Variants in ATP9B observed in about 807,000 individuals in gnomAD.
The protein encoded by ATP9B is ATPase phospholipid transporting 9B.
ATP9B carries 110 observed loss-of-function variants against 146.1 expected under a neutral mutation model. The ratio of observed to expected loss-of-function variants is 0.75; its 90% CI spans 0.65 to 0.88. ATP9B has a LOEUF of 0.88. Ranked by LOEUF, ATP9B falls within the 40% of genes least tolerant of loss-of-function variation. The pLI is 0.00. For synonymous variants in ATP9B, 604 were observed against 569.7 expected, an observed-to-expected ratio of 1.06 and a Z score of -0.86; for missense variants, 1,499 against 1,496.4, an observed-to-expected ratio of 1.00 and a Z score of -0.03.
At chr18:79,195,028 G>C (rs2095405928) in intron 9 of ATP9B, among the ~76,000 whole-genome samples, 1 of 152,144 alleles carries the variant, frequency 6.6e-6, no homozygotes, top group Non-Finnish European at 1.5e-5. Flanking sequence ...GGTGGCTCTA[G>C]GAGGCTTGGT....
intron 13 of ATP9B, among the ~76,000 whole-genome samples, chr18:79,292,312 G>A (rs1335236547): frequency 2.6e-5 from 4 of 152,148 alleles, no homozygotes; most frequent in Non-Finnish European, 5.9e-5. Flanking sequence ...GAAATCCTCA[G>A]GAGTCACCCA....
intron 11 of ATP9B, among the ~76,000 whole-genome samples, chr18:79,219,301 G>A (rs1360732991): frequency 6.6e-6 from 1 of 152,094 alleles, no homozygotes; most frequent in African/African-American, 2.4e-5. Flanking sequence ...GGAATTCTGA[G>A]CATATTTACC....
chr18:79,259,315 A>C (rs2096116398), intron 12 of ATP9B, among the ~76,000 whole-genome samples: 1 of 152,236 alleles, frequency 6.6e-6, no homozygotes. Flanking sequence ...AGGGACTTGC[A>C]GTTACTTCCC....
intron 9 of ATP9B, among the ~76,000 whole-genome samples, chr18:79,196,520 A>G (rs1419292183): frequency 6.6e-6 from 1 of 152,236 alleles, no homozygotes; most frequent in African/African-American, 2.4e-5. Flanking sequence ...TAAGGCAGTC[A>G]GAGACTATTG....
chr18:79,372,790 TGC>T, intron 26 of ATP9B, 33 bp from the exon 27 acceptor site: 1 of 1,440,228 alleles, frequency 6.9e-7, no homozygotes, highest in Non-Finnish European at 9.8e-7. Context: ...CAGGTGGTTC[TGC>T]GCACTAACGA....
At chr18:79,138,499 T>G (rs1442335643) in intron 5 of ATP9B, among the ~76,000 whole-genome samples, 1 of 152,180 alleles carries the variant, frequency 6.6e-6, no homozygotes, top group African/African-American at 2.4e-5. Flanking sequence ...ACTTAAACGA[T>G]ATGCCTCAAA....
chr18:79,201,526 A>T (rs969526925), intron 9 of ATP9B, among the ~76,000 whole-genome samples: 10 of 152,220 alleles, frequency 6.6e-5, no homozygotes, highest in Non-Finnish European at 1.2e-4. Flanking sequence ...GTGGGAGTTG[A>T]GCCCAGGAGT....
intron 15 of ATP9B, among the ~76,000 whole-genome samples, chr18:79,310,255 T>C (rs896112776): frequency 1.9e-4 from 29 of 152,244 alleles, no homozygotes; most frequent in Non-Finnish European, 7.3e-5. Context: ...CGCCTCATCA[T>C]GCACAGTACG....
chr18:79,073,634 G>C (rs1394443496), intron 1 of ATP9B, among the ~76,000 whole-genome samples: 2 of 151,926 alleles, frequency 1.3e-5, no homozygotes, highest in African/African-American at 4.8e-5. Context: ...ACGGAGACGA[G>C]GGAGGGGGGA....
At chr18:79,305,247 C>G (rs182508) in intron 14 of ATP9B, among the ~76,000 whole-genome samples, 9,231 of 152,344 alleles carry the variant, frequency 0.061, 392 homozygotes, top group Non-Finnish European at 0.091. Flanking sequence ...CTCTTGACAA[C>G]TCCAGAGTAG....
At chr18:79,188,283 T>A (rs534628861) in intron 8 of ATP9B, among the ~76,000 whole-genome samples, 1 of 152,208 alleles carries the variant, frequency 6.6e-6, no homozygotes, top group Non-Finnish European at 1.5e-5. Flanking sequence ...ATATATATGG[T>A]TGCTGAAATT....
At chr18:79,077,024 A>G (rs2072702956) in intron 1 of ATP9B, among the ~76,000 whole-genome samples, 1 of 152,106 alleles carries the variant, frequency 6.6e-6, no homozygotes, top group African/African-American at 2.4e-5. Context: ...ATTTGTTTCA[A>G]GTCTGTTCAT....
intron 4 of ATP9B, among the ~76,000 whole-genome samples, chr18:79,119,673 T>A (rs2094154516): frequency 6.6e-6 from 1 of 151,246 alleles, no homozygotes; most frequent in Non-Finnish European, 1.5e-5. Context: ...GTGTCCTGAG[T>A]ATCATATTGT....
intron 7 of ATP9B, among the ~76,000 whole-genome samples, chr18:79,157,607 C>G (rs1430610303): frequency 6.6e-6 from 1 of 152,028 alleles, no homozygotes; most frequent in Non-Finnish European, 1.5e-5. Context: ...CCATGAAACC[C>G]TGTGGGACTG....
chr18:79,200,717 T>TGGGAACTGTCGGGGTCAGAGCAGAGGC lies in ATP9B; in HGVS notation c.955-6218_955-6217insGAACTGTCGGGGTCAGAGCAGAGGCGG, dbSNP rs2095466033. Among the ~76,000 whole-genome samples the TGGGAACTGTCGGGGTCAGAGCAGAGGC allele has an allele frequency of 2.5e-4, 24 of 97,034 alleles. 1 individual carries two copies. Among genetic ancestry groups the TGGGAACTGTCGGGGTCAGAGCAGAGGC allele is most frequent in the African/African-American group, 1.1e-3 (19 of 17,398 alleles). 63.7% of individuals were successfully genotyped at this position (97,034 alleles called of 152,430 possible). On this transcript the variant is annotated intron_variant, in intron 9 of 29. Transcript: ENST00000426216. ...AAATGTGTTTATGTCAGAGCAGAGGTGGAGGTGGGGACTGTCGGGGTCAGA... is the reference window on the plus strand; with the variant it reads ...AAATGTGTTTATGTCAGAGCAGAGGTGGGAACTGTCGGGGTCAGAGCAGAGGCGGAGGTGGGGACTGTCGGGGTCAGA...
chr18:79,198,444 A>G (rs1217664079), intron 9 of ATP9B, among the ~76,000 whole-genome samples: 1 of 152,240 alleles, frequency 6.6e-6, no homozygotes, highest in African/African-American at 2.4e-5. Flanking sequence ...ACATTTATGC[A>G]CTAATAACAG....
intron 15 of ATP9B, among the ~76,000 whole-genome samples, chr18:79,325,972 C>T (rs2096742673): frequency 1.5e-5 from 2 of 135,644 alleles, no homozygotes; most frequent in Non-Finnish European, 3.1e-5. Flanking sequence ...TACCCTCCCT[C>T]CCCTCACATG....
chr18:79,179,652 A>G (rs1248174472), intron 8 of ATP9B, among the ~76,000 whole-genome samples: 1 of 152,154 alleles, frequency 6.6e-6, no homozygotes, highest in Non-Finnish European at 1.5e-5. Flanking sequence ...TGGTCATAGA[A>G]CATATTCTGT....
intron 10 of ATP9B, 104 bp from the exon 11 acceptor site, chr18:79,213,858 C>A (rs1368522940): frequency 2.4e-6 from 2 of 823,908 alleles, no homozygotes; most frequent in African/African-American, 1.8e-5. Flanking sequence ...TATATAAAAT[C>A]AAATAGTGTG....
Sources: allele counts gnomAD v4.1 joint callset (sites outside exome capture counted in the v4.1 genomes callset), GRCh38; gene constraint gnomAD v4.1.1; transcripts MANE v1.5; gene names NCBI Gene and HGNC (gene_info 2026-07-23, HGNC 2026-07-21).